The following SERPINB8 variants were observed in gnomAD, a reference collection of about 807,000 sequenced individuals.
The protein encoded by SERPINB8 is serpin family B member 8.
Under a neutral mutation model 35.3 loss-of-function variants are expected in SERPINB8, and 25 were observed. The observed-to-expected ratio is 0.71, with a 90% confidence interval of 0.52 to 0.99. SERPINB8 has a LOEUF of 0.99. Among genes scored for constraint, SERPINB8 ranks in the 50% least tolerant of loss-of-function variants. The pLI, the probability that SERPINB8 is intolerant of heterozygous loss-of-function variation, is 0.00. For synonymous variants in SERPINB8, 186 were observed against 160.8 expected, an observed-to-expected ratio of 1.16 and a Z score of -1.19; for missense variants, 484 against 446.5, an observed-to-expected ratio of 1.08 and a Z score of -0.76.
chr18:63,997,481 T>C (rs2050855613), intron 1 of SERPINB8, among the ~76,000 whole-genome samples: 1 of 152,202 alleles, frequency 6.6e-6, no homozygotes, highest in Non-Finnish European at 1.5e-5. Context: ...GGAACTCAGA[T>C]ACAAGGACCT....
chr18:64,007,179 A>C (rs1438947666), downstream of SERPINB8, among the ~76,000 whole-genome samples: 1 of 152,118 alleles, frequency 6.6e-6, no homozygotes, highest in Non-Finnish European at 1.5e-5. Context: ...AATATAATAA[A>C]ATAATACCAT....
chr18:63,975,871 C>T (rs1191100384), intron 1 of SERPINB8, among the ~76,000 whole-genome samples: 1 of 152,140 alleles, frequency 6.6e-6, no homozygotes, highest in Admixed American at 6.5e-5. Context: ...ACTCAATTCC[C>T]CTTTCCTCCT....
At chr18:64,001,828 C>A (rs1160993196) in intron 1 of SERPINB8, among the ~76,000 whole-genome samples, 2 of 152,156 alleles carry the variant, frequency 1.3e-5, no homozygotes, top group African/African-American at 4.8e-5. Flanking sequence ...CTGCTTGCCC[C>A]ACCCTAATCC....
chr18:64,000,091 G>T (rs200373031), intron 1 of SERPINB8, among the ~76,000 whole-genome samples: 5 of 152,292 alleles, frequency 3.3e-5, no homozygotes, highest in East Asian at 3.9e-4. Context: ...CTGTGCCACT[G>T]TCAACACCTC....
chr18:63,996,329 C>T (rs2050849187), intron 1 of SERPINB8, among the ~76,000 whole-genome samples: 1 of 152,204 alleles, frequency 6.6e-6, no homozygotes. Flanking sequence ...CTGTCTATTA[C>T]AGGTGGCTCA....
At chr18:63,980,500 T>A (rs886440313) in intron 3 of SERPINB8, among the ~76,000 whole-genome samples, 1 of 151,700 alleles carries the variant, frequency 6.6e-6, no homozygotes, top group African/African-American at 2.4e-5. Flanking sequence ...GGTGATGTTG[T>A]CTTAAAATTA....
At chr18:63,996,294 A>G (rs1357203042) in intron 1 of SERPINB8, among the ~76,000 whole-genome samples, 2 of 152,178 alleles carry the variant, frequency 1.3e-5, no homozygotes, top group Middle Eastern at 3.2e-3. Flanking sequence ...GCCTGCGCAC[A>G]TGGCCTCAGG....
In SERPINB8 at chr18:63,986,928, T is replaced by C. The variant is rs745408583; in HGVS notation, c.775T>C (p.Leu259=). The C allele has an allele frequency of 1.2e-6, 2 of 1,613,498 alleles. No individual in the cohort carries two copies. The highest frequency in any genetic ancestry group is 2.2e-5 in the East Asian group (1 of 44,896). The part of the protein sequence containing the change: ...KFKAWTNSEK[L]TKSKVQVFLP... ...CAAAGCCTGGACAAATTCAGAAAAGTTGACAAAAAGTAAGGTTCAAGTTTT... is the reference window on the plus strand; with the variant it reads ...CAAAGCCTGGACAAATTCAGAAAAGCTGACAAAAAGTAAGGTTCAAGTTTT... The change falls in exon 7 of 7, where the codon TTG becomes CTG. Residue 259 remains leucine, a synonymous_variant. Coordinates refer to ENST00000397985, the MANE Select transcript of SERPINB8 (RefSeq NM_002640.4).
chr18:64,014,490 A>AGGGC lies in SERPINB8; in HGVS notation c.*3-4420_*3-4419insGGGC, dbSNP rs1170880568. On this transcript the variant is annotated intron_variant, in intron 7 of 7. Transcript: ENST00000636430. ...CTAGATGGATGAAAGGGCCCTGGGA[A>AGGGC]TGGCTGGGAACGCTGAAGACCTCAG... Among the ~76,000 whole-genome samples, 3 of 152,112 alleles carry AGGGC rather than the reference A, an allele frequency of 2.0e-5. No homozygotes were observed. The East Asian group carries it at 5.8e-4, about 29-fold the overall frequency.
chr18:63,987,605 C>G lies in SERPINB8; in HGVS notation c.*327C>G. Reference sequence around the variant, plus strand: ...GCTTCAGGAGCCAGCCCTCTTCCATCCGCCCGGCTCTGCCCACCACCACTG... The same window carrying G: ...GCTTCAGGAGCCAGCCCTCTTCCATGCGCCCGGCTCTGCCCACCACCACTG... On this transcript the variant is annotated 3_prime_UTR_variant, in exon 7 of 7. Coordinates refer to ENST00000397985, the MANE Select transcript of SERPINB8 (RefSeq NM_002640.4). 7.8e-6 allele frequency: 2 copies of G among 254,876 alleles called. No homozygotes were observed. Among genetic ancestry groups the G allele is most frequent in the Non-Finnish European group, 1.5e-5 (2 of 132,800 alleles). 15.8% of individuals were successfully genotyped at this position (254,876 alleles called of 1,614,324 possible).
At chr18:63,986,816 G>A (rs534111745) in intron 6 of SERPINB8, 58 bp from the exon 7 acceptor site, 47 of 1,491,286 alleles carry the variant, frequency 3.2e-5, no homozygotes, top group Non-Finnish European at 4.0e-5. Context: ...ATAAATGGGT[G>A]TGTGGGTATC....
intron 6 of SERPINB8, among the ~76,000 whole-genome samples, chr18:63,985,474 A>G (rs552405964): frequency 6.6e-6 from 1 of 152,296 alleles, no homozygotes; most frequent in South Asian, 2.1e-4. Flanking sequence ...AGTTCTAAAT[A>G]TATTATTATT....
At chr18:63,980,582 T>A (rs1469414599) in intron 3 of SERPINB8, among the ~76,000 whole-genome samples, 1 of 152,202 alleles carries the variant, frequency 6.6e-6, no homozygotes, top group East Asian at 1.9e-4. Context: ...AAGGCTCAAA[T>A]ACATCCCTGT....
chr18:63,979,243 C>T (rs2050631095), intron 2 of SERPINB8, among the ~76,000 whole-genome samples: 1 of 152,234 alleles, frequency 6.6e-6, no homozygotes, highest in Admixed American at 6.5e-5. Context: ...TTAATTCTCA[C>T]TCTGACTTGA....
intron 1 of SERPINB8, among the ~76,000 whole-genome samples, chr18:64,000,193 T>C (rs1034921219): frequency 2.0e-5 from 3 of 152,340 alleles, no homozygotes; most frequent in East Asian, 1.9e-4. Flanking sequence ...TTATCCTGGA[T>C]TGGCATTGTT....
At chr18:64,003,855 G>C (rs905725151) in intron 1 of SERPINB8, among the ~76,000 whole-genome samples, 1 of 152,122 alleles carries the variant, frequency 6.6e-6, no homozygotes, top group Non-Finnish European at 1.5e-5. Context: ...GCTTTACTTG[G>C]TGTACCATTG....
chr18:64,012,976 C>G (rs78024844), intron 7 of SERPINB8, among the ~76,000 whole-genome samples: 2,203 of 152,240 alleles, frequency 0.014, 58 homozygotes, highest in African/African-American at 0.051. Context: ...TGCCTTCACT[C>G]CCTTGAATTT....
At position 63,983,632 on chromosome 18, in the gene SERPINB8, G is replaced by T; in HGVS notation, c.478G>T (p.Val160Phe). 6.2e-7 allele frequency: 1 copy of T among 1,613,804 alleles called. No individual in the cohort carries two copies. The highest frequency in any genetic ancestry group is 8.5e-7 in the Non-Finnish European group (1 of 1,179,702). The change falls in exon 5 of 7, where the codon GTC becomes TTC. Residue 160 changes from valine to phenylalanine, a missense_variant. Coordinates refer to ENST00000397985, the MANE Select transcript of SERPINB8 (RefSeq NM_002640.4). ...AGTVDPLTKL[V>F]LVNAIYFKGK... ...GACAGTCGATCCCCTGACAAAGCTG[G>T]TCCTTGTGAATGCCATTTATTTCAA... is the stretch of plus-strand genomic sequence containing the variant.
At chr18:64,009,496 A>T (rs1254994309), downstream of SERPINB8, among the ~76,000 whole-genome samples, 1 of 152,260 alleles carries the variant, frequency 6.6e-6, no homozygotes, top group African/African-American at 2.4e-5. Flanking sequence ...AGACAAACAG[A>T]TCAATGGCAC....
Sources: gnomAD v4.1 joint callset for allele counts (sites outside exome capture counted in the v4.1 genomes callset) on GRCh38, gnomAD v4.1.1 for gene constraint, MANE v1.5 for transcripts, NCBI Gene and HGNC (gene_info 2026-07-23, HGNC 2026-07-21) for gene names.